Variants in AHRR observed in about 807,000 individuals in gnomAD.
AHRR encodes ahR repressor.
In AHRR, 28 loss-of-function variants were observed where a neutral mutation model predicts 44.0. The observed-to-expected ratio is 0.64, with a 90% confidence interval of 0.47 to 0.87. The LOEUF is 0.87. AHRR is among the 40% of genes least tolerant of loss of function. The pLI, the probability that AHRR is intolerant of heterozygous loss-of-function variation, is 0.00. For missense variants in AHRR, 990 were observed against 953.9 expected, an observed-to-expected ratio of 1.04 and a Z score of -0.50; for synonymous variants, 434 against 407.0, an observed-to-expected ratio of 1.07 and a Z score of -0.80.
chr5:340,690 T>TATATATATATATATATATATATATA (rs1560881649), intron 1 of AHRR, among the ~76,000 whole-genome samples: 1 of 15,646 alleles, frequency 6.4e-5, no homozygotes, highest in African/African-American at 3.2e-4. Context: ...ATATATATAT[T>TATATATATATATATATATATATATA]TTTTTTTTTT....
At chr5:380,322 T>C (rs1733929733) in intron 4 of AHRR, among the ~76,000 whole-genome samples, 2 of 152,318 alleles carry the variant, frequency 1.3e-5, no homozygotes, top group African/African-American at 4.8e-5. Context: ...TTCTTTTTTT[T>C]CCATATAAAT....
In AHRR at chr5:395,165, G is replaced by A. The variant is rs1734645057; in HGVS notation, c.352-18179G>A. 1.3e-5 allele frequency among the ~76,000 whole-genome samples: 2 copies of A among 152,158 alleles called. No homozygotes were observed. Among genetic ancestry groups the A allele is most frequent in the Admixed American group, 1.3e-4 (2 of 15,290 alleles). On this transcript the variant is annotated intron_variant, in intron 4 of 10. Transcript: ENST00000684583. This position sits in a 1 kb window ranked among gnomAD's most constrained non-coding sequence, Gnocchi z 5.3. The stretch of plus-strand genomic sequence containing the variant: ...ACCCCAGATAGCCCAAGACTTCTGG[G>A]GTTCCCTCAGCTTTTCTGGGGATCC...
At position 326,586 on chromosome 5, in the gene AHRR, G is replaced by A. The variant is rs142839624; in HGVS notation, c.-11+4767G>A. ...TGTTAGAACAAATGCTTTTACTTCT[G>A]TTAGGTGTGTACCTAGGAGTGGAGT... On this transcript the variant is annotated intron_variant, in intron 1 of 10. Coordinates refer to ENST00000684583, the MANE Select transcript of AHRR (RefSeq NM_001377236.1). The surrounding 1 kb of genome is among the most constrained non-coding windows in gnomAD (Gnocchi z 4.1). Among the ~76,000 whole-genome samples, 488 of 152,290 alleles carry A rather than the reference G, an allele frequency of 3.2e-3. 6 individuals carry two copies. The highest frequency in any genetic ancestry group is 7.4e-3 in the Admixed American group (113 of 15,296).
At chr5:354,039 C>G (rs967082423) in intron 3 of AHRR, 128 bp downstream of exon 3, 2 of 1,000,342 alleles carry the variant, frequency 2.0e-6, no homozygotes, top group Non-Finnish European at 2.9e-6. Flanking sequence ...CTTCTTCCCC[C>G]ACGCTGCCCC....
At chr5:377,014 T>A (rs1397161010) in intron 4 of AHRR, among the ~76,000 whole-genome samples, 1 of 152,146 alleles carries the variant, frequency 6.6e-6, no homozygotes, top group Non-Finnish European at 1.5e-5. Flanking sequence ...CCGTCTGCTT[T>A]TGCTTGTCGG....
At position 368,590 on chromosome 5, in the gene AHRR, T is replaced by G. The variant is rs531290822; in HGVS notation, c.245-8020T>G. 5.3e-5 allele frequency among the ~76,000 whole-genome samples: 8 copies of G among 152,362 alleles called. No individual in the cohort carries two copies. The South Asian group carries it at 8.3e-4, about 16-fold the overall frequency. ...GAAGAGAATATGGATTTGCAATGTG[T>G]GCAAGTATTCTTTTTTTCCCCAAAG... On this transcript the variant is annotated intron_variant, in intron 3 of 10. Transcript: ENST00000684583.
In AHRR at chr5:404,433, G is replaced by A; in HGVS notation, c.352-8911G>A. The A allele has an allele frequency of 1.9e-6, 1 of 537,664 alleles. No individual in the cohort carries two copies. The highest frequency in any genetic ancestry group is 3.8e-6 in the Non-Finnish European group (1 of 263,882). The allele number at this position is 537,664 out of a possible 1,614,324, so 33.3% of individuals were successfully genotyped here. On this transcript the variant is annotated intron_variant, in intron 4 of 10. Coordinates refer to ENST00000684583, the MANE Select transcript of AHRR (RefSeq NM_001377236.1). This position sits in a 1 kb window ranked among gnomAD's most constrained non-coding sequence, Gnocchi z 4.1. ...GGAGAGTCTTGGGGCAGAAGCAACA[G>A]GGGACCACTGTGCTGGTGCTGTCGT...
intron 4 of AHRR, among the ~76,000 whole-genome samples, chr5:410,460 C>T (rs188011704): frequency 9.4e-4 from 143 of 152,348 alleles, no homozygotes; most frequent in Admixed American, 2.0e-3. Context: ...AATCCTCTCA[C>T]CTTGGCCTCC....
chr5:379,186 T>G (rs1036272810), intron 4 of AHRR, among the ~76,000 whole-genome samples: 1 of 152,168 alleles, frequency 6.6e-6, no homozygotes, highest in Non-Finnish European at 1.5e-5. Flanking sequence ...CTGTTGAGAT[T>G]TGCTCACGGT....
chr5:376,557 A>AACCGTGGGGTGAACGCGGGGAAACACAG, intron 3 of AHRR, 53 bp from the exon 4 acceptor site: 1 of 1,423,184 alleles, frequency 7.0e-7, no homozygotes, highest in Non-Finnish European at 9.5e-7. Flanking sequence ...AATGAAGAAG[A>AACCGTGGGGTGAACGCGGGGAAACACAG]GTGGCCAGGC....
rs890160847 is a variant in AHRR, at chr5:326,857, G to A, written c.-11+5038G>A. Among the ~76,000 whole-genome samples, 7 of 152,120 alleles carry A rather than the reference G, an allele frequency of 4.6e-5. No homozygotes were observed. Among genetic ancestry groups the A allele is most frequent in the South Asian group, 4.1e-4 (2 of 4,824 alleles). ...GCGGATCACTTGAGGTCGGGAGTTC[G>A]AGACCAGCCTGACCAATATGGTGAA... On this transcript the variant is annotated intron_variant, in intron 1 of 10. Transcript: ENST00000684583. This position sits in a 1 kb window ranked among gnomAD's most constrained non-coding sequence, Gnocchi z 4.1.
chr5:415,473 TCGGGTGGGAGGCCTA>T (rs1735717915), intron 5 of AHRR, among the ~76,000 whole-genome samples: 5 of 109,494 alleles, frequency 4.6e-5, no homozygotes, highest in Non-Finnish European at 5.0e-5. Flanking sequence ...GTCTGCCTGG[TCGGGTGGGAGGCCTA>T]GGGGCCGAGT....
intron 2 of AHRR, 40 bp downstream of exon 2, chr5:344,004 C>G (rs1742468275): frequency 3.8e-6 from 6 of 1,572,482 alleles, no homozygotes; most frequent in Non-Finnish European, 5.2e-6. Flanking sequence ...GTTGTTGCAC[C>G]CATGGAAGGG....
intron 8 of AHRR, among the ~76,000 whole-genome samples, chr5:429,975 G>A (rs557985088): frequency 1.1e-4 from 16 of 152,288 alleles, no homozygotes; most frequent in Non-Finnish European, 2.4e-4. Context: ...TCCTGATTCC[G>A]ATGCTCCTCC....
chr5:390,774 C>T (rs1734381804), intron 4 of AHRR, among the ~76,000 whole-genome samples: 1 of 152,118 alleles, frequency 6.6e-6, no homozygotes, highest in Non-Finnish European at 1.5e-5. Context: ...ATCCTAAATG[C>T]TCCCAGAGAG....
At chr5:415,225 A>G (rs1473922812) in intron 5 of AHRR, among the ~76,000 whole-genome samples, 6 of 152,244 alleles carry the variant, frequency 3.9e-5, no homozygotes, top group Non-Finnish European at 7.3e-5. Flanking sequence ...ACCTCTGCCT[A>G]CGAGGAAAGG....
intron 4 of AHRR, among the ~76,000 whole-genome samples, chr5:401,357 C>A (rs1479550489): frequency 6.6e-6 from 1 of 152,222 alleles, no homozygotes; most frequent in Non-Finnish European, 1.5e-5. Context: ...CTCGATGCCA[C>A]AGGTGCCGGC....
intron 1 of AHRR, among the ~76,000 whole-genome samples, chr5:339,017 T>A (rs776310549): frequency 2.6e-5 from 4 of 152,240 alleles, no homozygotes; most frequent in Non-Finnish European, 4.4e-5. Flanking sequence ...AAACACAATT[T>A]ATTTTTGTAT....
chr5:345,778 A>C (rs973154293), intron 2 of AHRR, among the ~76,000 whole-genome samples: 1 of 152,036 alleles, frequency 6.6e-6, no homozygotes, highest in Non-Finnish European at 1.5e-5. Context: ...GGTGCCTCCA[A>C]GCACTGCGGG....
Sources: gnomAD v4.1 joint callset for allele counts (sites outside exome capture counted in the v4.1 genomes callset) on GRCh38, gnomAD v4.1.1 for gene constraint, Gnocchi (gnomAD v3.1) non-coding constraint, MANE v1.5 for transcripts, NCBI Gene and HGNC (gene_info 2026-07-23, HGNC 2026-07-21) for gene names.